SNTG1: variants seen among roughly 807,000 people sequenced by gnomAD.
SNTG1 encodes gamma-1-syntrophin.
A neutral mutation model predicts 74.7 loss-of-function variants in SNTG1; 39 were observed. That is an observed-to-expected ratio of 0.52 (90% CI 0.40 to 0.68). SNTG1 has a LOEUF of 0.68. SNTG1 is among the 30% of genes least tolerant of loss of function. SNTG1 has a pLI of 0.00. For synonymous variants in SNTG1, 254 were observed against 217.1 expected, an observed-to-expected ratio of 1.17 and a Z score of -1.49; for missense variants, 685 against 609.5, an observed-to-expected ratio of 1.12 and a Z score of -1.30.
intron 2 of SNTG1, among the ~76,000 whole-genome samples, chr8:50,223,240 A>G (rs1006153698): frequency 3.9e-5 from 6 of 152,156 alleles, no homozygotes; most frequent in Admixed American, 3.9e-4. Context: ...GAGGAAAAGT[A>G]CACAACCTTG....
At chr8:50,721,732 G>T (rs538848552) in intron 17 of SNTG1, among the ~76,000 whole-genome samples, 2 of 152,142 alleles carry the variant, frequency 1.3e-5, no homozygotes, top group Non-Finnish European at 2.9e-5. Context: ...TATGAAATGT[G>T]GTGAACGTGT....
chr8:50,395,340 GT>G (rs997015304), intron 3 of SNTG1, among the ~76,000 whole-genome samples: 30 of 151,744 alleles, frequency 2.0e-4, no homozygotes, highest in African/African-American at 7.0e-4. Context: ...TTACAAGGCA[GT>G]TTTTTTGTTT....
intron 2 of SNTG1, among the ~76,000 whole-genome samples, chr8:50,296,728 A>T (rs1159858450): frequency 1.3e-5 from 2 of 152,172 alleles, no homozygotes; most frequent in Non-Finnish European, 2.9e-5. Context: ...ATGTAAACCT[A>T]TGTAACAAAC....
intron 8 of SNTG1, among the ~76,000 whole-genome samples, chr8:50,499,239 G>A (rs2093929932): frequency 6.6e-6 from 1 of 151,632 alleles, no homozygotes; most frequent in Admixed American, 6.6e-5. Flanking sequence ...TCATAGCAAT[G>A]TTTTGTATAC....
intron 12 of SNTG1, among the ~76,000 whole-genome samples, chr8:50,571,836 A>C (rs1395468402): frequency 6.6e-6 from 1 of 152,208 alleles, no homozygotes; most frequent in East Asian, 1.9e-4. Flanking sequence ...AGGCCATTAG[A>C]AAATTACAAA....
At chr8:50,613,094 A>G (rs888356545) in intron 13 of SNTG1, among the ~76,000 whole-genome samples, 8 of 152,218 alleles carry the variant, frequency 5.3e-5, no homozygotes, top group African/African-American at 1.9e-4. Flanking sequence ...GTTAAAATCC[A>G]AGAGCAATAT....
At chr8:50,438,763 C>A (rs2093330623) in intron 5 of SNTG1, among the ~76,000 whole-genome samples, 164 bp downstream of exon 5, 1 of 148,888 alleles carries the variant, frequency 6.7e-6, no homozygotes, top group African/African-American at 2.6e-5. Context: ...AGAATTCCTG[C>A]AAACTCTTAC....
At chr8:50,611,563 C>T (rs1341411300) in intron 13 of SNTG1, among the ~76,000 whole-genome samples, 1 of 151,974 alleles carries the variant, frequency 6.6e-6, no homozygotes, top group African/African-American at 2.4e-5. Context: ...TATTATACAC[C>T]ATAGTAAATT....
intron 2 of SNTG1, among the ~76,000 whole-genome samples, chr8:50,293,403 C>CTTTTTTTTTTT (rs11349774): frequency 1.5e-5 from 2 of 135,648 alleles, no homozygotes; most frequent in Non-Finnish European, 1.6e-5. Flanking sequence ...TAGTAGGCTT[C>CTTTTTTTTTTT]TTTTTTTTTT....
intron 13 of SNTG1, among the ~76,000 whole-genome samples, chr8:50,648,601 A>C (rs1585952151): frequency 6.6e-6 from 1 of 152,290 alleles, no homozygotes; most frequent in South Asian, 2.1e-4. Context: ...TATACAACTT[A>C]CAAAACTCTA....
upstream of SNTG1, among the ~76,000 whole-genome samples, chr8:49,910,522 A>G (rs1805526557): frequency 6.6e-6 from 1 of 152,148 alleles, no homozygotes; most frequent in African/African-American, 2.4e-5. Flanking sequence ...TTTCAACGTT[A>G]TGTATTTCAA....
intron 1 of SNTG1, among the ~76,000 whole-genome samples, chr8:49,913,833 C>A (rs1350287160): frequency 6.6e-6 from 1 of 152,180 alleles, no homozygotes; most frequent in Non-Finnish European, 1.5e-5. Context: ...CTCCCCTAGT[C>A]AGTAGGGCAT....
chr8:50,600,234 C>T (rs1260287171), intron 13 of SNTG1, among the ~76,000 whole-genome samples: 1 of 151,844 alleles, frequency 6.6e-6, no homozygotes, highest in Non-Finnish European at 1.5e-5. Context: ...CATCAGTTTT[C>T]ATCAGAAATA....
chr8:50,214,197 G>A (rs188391550), intron 2 of SNTG1, among the ~76,000 whole-genome samples: 3,157 of 137,720 alleles, frequency 0.023, 129 homozygotes, highest in African/African-American at 0.076. Context: ...TCATAGGTGG[G>A]AATTGAACAA....
chr8:50,275,810 G>A (rs1293678702), intron 2 of SNTG1, among the ~76,000 whole-genome samples: 1 of 152,088 alleles, frequency 6.6e-6, no homozygotes, highest in Non-Finnish European at 1.5e-5. Context: ...AAGATTCCCT[G>A]CATTTGCTTG....
At chr8:50,447,283 G>A (rs1394089808) in intron 5 of SNTG1, among the ~76,000 whole-genome samples, 1 of 152,158 alleles carries the variant, frequency 6.6e-6, no homozygotes. Flanking sequence ...GGGTTCAGTA[G>A]CAGAATAAGA....
chr8:50,070,575 C>A (rs1048172450), intron 1 of SNTG1, among the ~76,000 whole-genome samples: 1 of 152,022 alleles, frequency 6.6e-6, no homozygotes, highest in African/African-American at 2.4e-5. Context: ...TAAAAGCAAG[C>A]TGAATAGGGC....
intron 13 of SNTG1, among the ~76,000 whole-genome samples, chr8:50,651,719 A>C (rs948663919): frequency 7.2e-5 from 11 of 152,074 alleles, no homozygotes; most frequent in African/African-American, 2.7e-4. Flanking sequence ...GGCCTCCCAA[A>C]GTGCTGAGAT....
At chr8:50,691,820 C>G (rs1412005387) in intron 15 of SNTG1, among the ~76,000 whole-genome samples, 1 of 152,128 alleles carries the variant, frequency 6.6e-6, no homozygotes, top group Non-Finnish European at 1.5e-5. Flanking sequence ...GGGAAGTTCT[C>G]CTGGATAATA....
Sources: gnomAD v4.1 joint callset for allele counts (sites outside exome capture counted in the v4.1 genomes callset) on GRCh38, gnomAD v4.1.1 for gene constraint, MANE v1.5 for transcripts, NCBI Gene and HGNC (gene_info 2026-07-23, HGNC 2026-07-21) for gene names.